TET2: variants seen among roughly 807,000 people sequenced by gnomAD.
The protein encoded by TET2 is tet methylcytosine dioxygenase 2, also known as methylcytosine dioxygenase TET2.
In TET2, 299 loss-of-function variants were observed where a neutral mutation model predicts 142.9. That is an observed-to-expected ratio of 2.09 (90% CI 1.90 to 2.30). The LOEUF is 2.30. Ranked by LOEUF, TET2 falls within the 30% of genes most tolerant of loss-of-function variation. TET2 has a pLI of 0.00. For synonymous variants in TET2, 819 were observed against 849.0 expected, an observed-to-expected ratio of 0.96 and a Z score of 0.61; for missense variants, 2,418 against 2,378.0, an observed-to-expected ratio of 1.02 and a Z score of -0.35.
intron 1 of TET2, among the ~76,000 whole-genome samples, chr4:105,163,846 AGAGAGAGAGTGTGTGT>A (rs1723999176): frequency 6.0e-5 from 7 of 116,132 alleles, no homozygotes; most frequent in East Asian, 4.4e-4. Flanking sequence ...AGAGAGAGAG[AGAGAGAGAGTGTGTGT>A]GTGTGTGTGT....
At position 105,275,561 on chromosome 4, in the gene TET2, GAAATAGCCAGAGTT is replaced by G; in HGVS notation, c.5052_5065del (p.Asn1685TyrfsTer3). 6.4e-7 allele frequency: 1 copy of G among 1,551,686 alleles called. No individual in the cohort carries two copies. Among genetic ancestry groups the G allele is most frequent in the Non-Finnish European group, 8.7e-7 (1 of 1,146,966 alleles). On this transcript the variant is annotated frameshift_variant, in exon 11 of 11. Transcript: ENST00000380013. LOFTEE classifies it low-confidence loss of function (END_TRUNC). Reference sequence around the variant, plus strand: ...CATACACTTTACCAGCCAAGGTTTGGAAATAGCCAGAGTTTTACATCTAAATACTTAGGTTATGG... The same window carrying G: ...CATACACTTTACCAGCCAAGGTTTGGTTACATCTAAATACTTAGGTTATGG...
intron 2 of TET2, among the ~76,000 whole-genome samples, chr4:105,219,131 T>C (rs561054956): frequency 2.6e-5 from 4 of 152,256 alleles, no homozygotes; most frequent in South Asian, 2.1e-4. Context: ...CTGATACATA[T>C]TGAAATTTCT....
intron 1 of TET2, among the ~76,000 whole-genome samples, chr4:105,184,640 C>G (rs1029205115): frequency 6.6e-6 from 1 of 152,084 alleles, no homozygotes; most frequent in African/African-American, 2.4e-5. Flanking sequence ...GGAGAATAGC[C>G]ATCACTGCCA....
At chr4:105,253,659 A>G (rs953293568) in intron 6 of TET2, among the ~76,000 whole-genome samples, 2 of 151,756 alleles carry the variant, frequency 1.3e-5, no homozygotes, top group Non-Finnish European at 2.9e-5. Context: ...TGTATTAGCT[A>G]GCATTTCCAG....
chr4:105,175,723 A>C (rs1295843240), intron 1 of TET2, among the ~76,000 whole-genome samples: 2 of 152,160 alleles, frequency 1.3e-5, no homozygotes, highest in Non-Finnish European at 2.9e-5. Context: ...CAGAGAGCTC[A>C]AAGAACACCA....
chr4:105,194,154 T>A (rs190942001), intron 2 of TET2, among the ~76,000 whole-genome samples: 2 of 152,182 alleles, frequency 1.3e-5, no homozygotes, highest in African/African-American at 4.8e-5. Flanking sequence ...TAGTGGTTTG[T>A]ATTTTGCTGG....
intron 2 of TET2, among the ~76,000 whole-genome samples, chr4:105,219,820 C>T (rs1297131513): frequency 2.0e-5 from 3 of 152,088 alleles, no homozygotes; most frequent in African/African-American, 7.2e-5. Context: ...GATTTACCCT[C>T]ATTATATAGT....
intron 1 of TET2, among the ~76,000 whole-genome samples, chr4:105,190,128 G>A (rs960789659): frequency 6.6e-6 from 1 of 152,138 alleles, no homozygotes; most frequent in Non-Finnish European, 1.5e-5. Context: ...AAGATGTGAA[G>A]ACTAAAGATG....
rs901089469 is a variant in TET2 at position 105,241,718 on chromosome 4, A to G, written c.3500+289A>G. ...CCAGCCAGGCTGCCAGCCACAAGGT[A>G]CTGGCACAGGCTCCAACGAGAGGTC... On this transcript the variant is annotated intron_variant, in intron 4 of 10. Transcript: ENST00000380013. 3.4e-5 allele frequency: 43 copies of G among 1,272,576 alleles called. No homozygotes were observed. The African/African-American group carries it at 6.0e-4, about 18-fold the overall frequency. 78.8% of individuals were successfully genotyped at this position (1,272,576 alleles called of 1,614,324 possible).
At position 105,227,513 on chromosome 4, in the gene TET2, TTTG is replaced by T. The variant is rs1728258702; in HGVS notation, c.-46-6383_-46-6381del. 1.6e-5 allele frequency among the ~76,000 whole-genome samples: 2 copies of T among 129,018 alleles called. 1 individual carries two copies. Among genetic ancestry groups the T allele is most frequent in the African/African-American group, 9.2e-5 (2 of 21,694 alleles). 84.6% of individuals were successfully genotyped at this position (129,018 alleles called of 152,430 possible). Reference sequence around the variant, plus strand: ...TGTGTAGACCTTCAATAGCAAGGTGTTTGAATATTTAGTTGCACAATAGAGCAG... The same window carrying T: ...TGTGTAGACCTTCAATAGCAAGGTGTAATATTTAGTTGCACAATAGAGCAG... On this transcript the variant is annotated intron_variant, in intron 2 of 10. Coordinates refer to ENST00000380013, the MANE Select transcript of TET2 (RefSeq NM_001127208.3).
rs1247685172 is a variant in TET2 at position 105,276,750 on chromosome 4, G to A, written c.*231G>A. ...CTAGGAAAAGACCAAAGCATTCTAT[G>A]CAAAAAGAAGGTGGGGAAGAAAGTG... On this transcript the variant is annotated 3_prime_UTR_variant, in exon 11 of 11. Coordinates refer to ENST00000380013, the MANE Select transcript of TET2 (RefSeq NM_001127208.3). 3 of 450,328 alleles carry A rather than the reference G, an allele frequency of 6.7e-6. No individual in the cohort carries two copies. In the Admixed American group the frequency reaches 1.2e-4, roughly 18 times the overall value. 27.9% of individuals were successfully genotyped at this position (450,328 alleles called of 1,614,324 possible).
At chr4:105,148,169 C>T (rs1159448785) in intron 1 of TET2, among the ~76,000 whole-genome samples, 4 of 151,948 alleles carry the variant, frequency 2.6e-5, no homozygotes, top group African/African-American at 9.7e-5. Flanking sequence ...GAGTTTTCTA[C>T]CTATGACATA....
chr4:105,162,047 A>G (rs1026898507), intron 1 of TET2, among the ~76,000 whole-genome samples: 1 of 152,230 alleles, frequency 6.6e-6, no homozygotes, highest in Non-Finnish European at 1.5e-5. Context: ...AAATACTGAT[A>G]TCTTGCATTT....
At chr4:105,238,002 G>A in intron 3 of TET2, 1 of 859,706 alleles carries the variant, frequency 1.2e-6, no homozygotes, top group Non-Finnish European at 1.5e-6. Context: ...AGATATTGTG[G>A]GTTTGGCTCC....
At chr4:105,241,314 T>C in intron 3 of TET2, 25 bp from the exon 4 acceptor site, 1 of 1,529,612 alleles carries the variant, frequency 6.5e-7, no homozygotes, top group Non-Finnish European at 8.8e-7. Context: ...AGGTCTAAAA[T>C]AATAATCTTC....
At chr4:105,172,549 T>C (rs990502373) in intron 1 of TET2, 12 of 152,166 alleles carry the variant, frequency 7.9e-5, no homozygotes, top group African/African-American at 2.9e-4. Context: ...GGAAGAAAAT[T>C]CACATATAAG....
chr4:105,146,558 C>CG (rs1159014575), upstream of TET2: 2 of 152,642 alleles, frequency 1.3e-5, no homozygotes, highest in Non-Finnish European at 1.5e-5. Context: ...ACGCCCGGTG[C>CG]GGGGGGCTAA....
chr4:105,187,110 G>T (rs1725502979), intron 1 of TET2, among the ~76,000 whole-genome samples: 1 of 152,080 alleles, frequency 6.6e-6, no homozygotes, highest in South Asian at 2.1e-4. Flanking sequence ...AGCTCAGAGA[G>T]GGAAATCCCC....
Position 105,243,622 on chromosome 4 carries a change from G to C in TET2, c.3647G>C (p.Arg1216Pro), listed in dbSNP as rs562667223. The change falls in exon 6 of 11, where the codon CGA becomes CCA. Residue 1216 changes from arginine (R) to proline (P), a missense_variant. Physicochemically the swap from Arg to Pro is moderately radical, Grantham distance 103. Coordinates refer to ENST00000380013, the MANE Select transcript of TET2 (RefSeq NM_001127208.3). ...EEKLLCLVRE[R>P]AGHTCEAAVI... ...AAGCTACTGTGTTTGGTGCGGGAGC[G>C]AGCTGGCCACACCTGTGAGGCTGCA... The C allele has an allele frequency of 6.4e-7, 1 of 1,551,574 alleles. No individual in the cohort carries two copies. Among genetic ancestry groups the C allele is most frequent in the Non-Finnish European group, 8.7e-7 (1 of 1,146,956 alleles).
Sources: gnomAD v4.1 joint callset for allele counts (sites outside exome capture counted in the v4.1 genomes callset) on GRCh38, gnomAD v4.1.1 for gene constraint, MANE v1.5 for transcripts, NCBI Gene and HGNC (gene_info 2026-07-23, HGNC 2026-07-21) for gene names.